SUZ12: variants seen among roughly 807,000 people sequenced by gnomAD.
SUZ12 encodes polycomb protein SUZ12.
In SUZ12, 17 loss-of-function variants were observed where a neutral mutation model predicts 87.3. That is an observed-to-expected ratio of 0.19 (90% CI 0.13 to 0.29). SUZ12 has a LOEUF of 0.29. Ranked by LOEUF, SUZ12 falls within the 10% of genes least tolerant of loss-of-function variation. The probability of loss-of-function intolerance (pLI) is 1.00; values close to 1 mark genes in which losing one functional copy is unlikely to be tolerated. For missense variants in SUZ12, 526 were observed against 912.2 expected, an observed-to-expected ratio of 0.58 and a Z score of 5.45; for synonymous variants, 253 against 312.4, an observed-to-expected ratio of 0.81 and a Z score of 2.01.
intron 8 of SUZ12, among the ~76,000 whole-genome samples, chr17:31,978,878 C>T (rs551616714): frequency 2.0e-5 from 3 of 152,028 alleles, no homozygotes; most frequent in East Asian, 1.9e-4. Flanking sequence ...GAGGCTGAGG[C>T]GGGCGGATCA....
At chr17:31,991,032 C>T (rs1332017177) in intron 10 of SUZ12, among the ~76,000 whole-genome samples, 1 of 152,188 alleles carries the variant, frequency 6.6e-6, no homozygotes, top group Non-Finnish European at 1.5e-5. Flanking sequence ...CAGGCTTGAG[C>T]CATTGCGCCT....
At chr17:31,998,067 G>C (rs1377595489) in intron 15 of SUZ12, among the ~76,000 whole-genome samples, 2 of 150,692 alleles carry the variant, frequency 1.3e-5, no homozygotes, top group East Asian at 3.9e-4. Flanking sequence ...GTGAAACCTT[G>C]TCTCTACTAA....
Position 31,937,012 on chromosome 17 carries a change from G to C in SUZ12, c.-235G>C. 1 of 372,552 alleles carries C rather than the reference G, an allele frequency of 2.7e-6. No homozygotes were observed. The highest frequency in any genetic ancestry group is 4.7e-6 in the Non-Finnish European group (1 of 211,414). 23.1% of individuals were successfully genotyped at this position (372,552 alleles called of 1,614,324 possible). A position where few individuals can be genotyped will look rare whatever the true frequency, so the allele number is the denominator to read the frequency against. ...GCCGGGCGGGGGAAGTGGGCGGAGCGAGGCCAGGGTAGGGTGAGCGGCCTC... is the reference window on the plus strand; with the variant it reads ...GCCGGGCGGGGGAAGTGGGCGGAGCCAGGCCAGGGTAGGGTGAGCGGCCTC... On this transcript the variant is annotated 5_prime_UTR_variant, in exon 1 of 16. Transcript: ENST00000322652.
chr17:31,983,672 TCA>T (rs1350771420), intron 9 of SUZ12, among the ~76,000 whole-genome samples: 1 of 152,214 alleles, frequency 6.6e-6, no homozygotes, highest in African/African-American at 2.4e-5. Flanking sequence ...TATCCATGTC[TCA>T]GTTTCTTCTC....
chr17:31,969,321 A>G (rs1290565305), intron 5 of SUZ12, among the ~76,000 whole-genome samples: 5 of 151,940 alleles, frequency 3.3e-5, no homozygotes, highest in Non-Finnish European at 5.9e-5. Flanking sequence ...AATTTTTTGT[A>G]TTTTTAGTAG....
At position 31,994,158 on chromosome 17, in the gene SUZ12, T is replaced by C. The variant is rs569247804; in HGVS notation, c.1437+150T>C. 5.0e-4 allele frequency: 373 copies of C among 746,164 alleles called. 1 individual carries two copies. Among genetic ancestry groups the C allele is most frequent in the Middle Eastern group, 3.2e-3 (8 of 2,528 alleles). The allele number at this position is 746,164 out of a possible 1,614,324, so 46.2% of individuals were successfully genotyped here. A position where few individuals can be genotyped will look rare whatever the true frequency, so the allele number is the denominator to read the frequency against. On this transcript the variant is annotated intron_variant, in intron 12 of 15. Transcript: ENST00000322652. ...AAGATAGCATGACTTTCAAAAATTG[T>C]ACTTTGTATAAAAAACAAATTTCTG...
In SUZ12 at chr17:31,992,068, G is replaced by C. The variant is rs9904226; in HGVS notation, c.1202-1174G>C. On this transcript the variant is annotated intron_variant, in intron 10 of 15. Transcript: ENST00000322652. ...GCAATTTTGGAGGCCGAGATGAGCA[G>C]ATTGCCTGAACTCAGGAGTTCAAGA... 2.0e-3 allele frequency among the ~76,000 whole-genome samples: 307 copies of C among 151,932 alleles called. 3 individuals carry two copies. Among genetic ancestry groups the C allele is most frequent in the African/African-American group, 7.2e-3 (297 of 41,476 alleles).
chr17:31,981,116 A>G (rs1909077748), intron 8 of SUZ12, among the ~76,000 whole-genome samples: 1 of 152,212 alleles, frequency 6.6e-6, no homozygotes, highest in Non-Finnish European at 1.5e-5. Flanking sequence ...GTTGAACAAA[A>G]TAAAAATCAA....
chr17:31,993,848 T>C lies in SUZ12; in HGVS notation c.1294-17T>C. ...GCGTAAATTGGAGATTTGCTTTTTT[T>C]TTTTAATTGTTTTTAGTTTCTCTAT... On this transcript the variant is annotated splice_polypyrimidine_tract_variant and intron_variant, in intron 11 of 15. Coordinates refer to ENST00000322652, the MANE Select transcript of SUZ12 (RefSeq NM_015355.4). 1 of 1,580,722 alleles carries C rather than the reference T, an allele frequency of 6.3e-7. No individual in the cohort carries two copies. Among genetic ancestry groups the C allele is most frequent in the Non-Finnish European group, 8.5e-7 (1 of 1,170,608 alleles).
At chr17:31,985,719 G>A (rs1473339585) in intron 9 of SUZ12, among the ~76,000 whole-genome samples, 2 of 151,424 alleles carry the variant, frequency 1.3e-5, no homozygotes, top group African/African-American at 4.9e-5. Flanking sequence ...CTGGAGTACA[G>A]TGGCATGATC....
At chr17:31,938,760 T>A (rs1039667577) in intron 1 of SUZ12, among the ~76,000 whole-genome samples, 4 of 152,178 alleles carry the variant, frequency 2.6e-5, no homozygotes, top group African/African-American at 9.7e-5. Flanking sequence ...ATAAAACCAA[T>A]TGAAGATTTA....
chr17:31,943,727 G>A (rs923759227), intron 3 of SUZ12, among the ~76,000 whole-genome samples: 2 of 151,442 alleles, frequency 1.3e-5, no homozygotes, highest in East Asian at 1.9e-4. Context: ...TTGAGACAGA[G>A]TCTTGCTCTG....
At position 31,965,957 on chromosome 17, in the gene SUZ12, G is replaced by T; in HGVS notation, c.456-190G>T. On this transcript the variant is annotated intron_variant, in intron 4 of 15. Coordinates refer to ENST00000322652, the MANE Select transcript of SUZ12 (RefSeq NM_015355.4). Reference sequence around the variant, plus strand: ...TTTTTTGTTGTTTATTTTTTGTTAGGTGTATAGACACACTTTTGGATGTCA... The same window carrying T: ...TTTTTTGTTGTTTATTTTTTGTTAGTTGTATAGACACACTTTTGGATGTCA... 9.9e-6 allele frequency: 5 copies of T among 504,360 alleles called. No homozygotes were observed. In the South Asian group the frequency reaches 1.8e-4, roughly 18 times the overall value. The allele number at this position is 504,360 out of a possible 1,614,324, so 31.2% of individuals were successfully genotyped here.
chr17:31,994,057 AC>A (rs1909852949), intron 12 of SUZ12, 49 bp downstream of exon 12: 1 of 1,574,886 alleles, frequency 6.3e-7, no homozygotes, highest in Non-Finnish European at 8.6e-7. Flanking sequence ...AATCTCTTGT[AC>A]CCCATAAATA....
At chr17:31,994,527 T>C (rs780340451) in intron 12 of SUZ12, 37 bp from the exon 13 acceptor site, 2 of 1,524,424 alleles carry the variant, frequency 1.3e-6, no homozygotes, top group South Asian at 2.6e-5. Flanking sequence ...TAGGATAGGA[T>C]ACTTAATATA....
At chr17:31,980,104 A>C (rs996840625) in intron 8 of SUZ12, among the ~76,000 whole-genome samples, 1 of 151,916 alleles carries the variant, frequency 6.6e-6, no homozygotes, top group African/African-American at 2.4e-5. Flanking sequence ...CGGGAAGACT[A>C]TTTGAGCCCA....
At chr17:31,958,610 G>A (rs1184471307) in intron 4 of SUZ12, among the ~76,000 whole-genome samples, 1 of 152,158 alleles carries the variant, frequency 6.6e-6, no homozygotes, top group African/African-American at 2.4e-5. Context: ...CACTTTGGGA[G>A]GTCAAGGCAG....
rs115260814 is a variant in SUZ12 at position 31,988,126 on chromosome 17, C to G, written c.1024-194C>G. Among the ~76,000 whole-genome samples the G allele has an allele frequency of 2.2e-3, 332 of 152,288 alleles. 1 individual carries two copies. Among genetic ancestry groups the G allele is most frequent in the African/African-American group, 7.3e-3 (302 of 41,560 alleles). ...GCCTCTTTTAGACAGCCTGTGCTCT[C>G]CAGTTCAAGTTCTACAGTGTCTGGT... On this transcript the variant is annotated intron_variant, in intron 9 of 15. Coordinates refer to ENST00000322652, the MANE Select transcript of SUZ12 (RefSeq NM_015355.4).
intron 7 of SUZ12, among the ~76,000 whole-genome samples, chr17:31,976,312 C>G (rs1015128029): frequency 2.6e-5 from 4 of 152,070 alleles, no homozygotes; most frequent in African/African-American, 9.7e-5. Flanking sequence ...TTAGCATTTG[C>G]AAAGATGTGG....
Sources: allele counts gnomAD v4.1 joint callset (sites outside exome capture counted in the v4.1 genomes callset), GRCh38; gene constraint gnomAD v4.1.1; transcripts MANE v1.5; gene names NCBI Gene and HGNC (gene_info 2026-07-23, HGNC 2026-07-21).